The following LIMS1 variants were observed in gnomAD, a reference collection of about 807,000 sequenced individuals.
LIMS1 encodes the protein LIM and senescent cell antigen-like-containing domain protein 1.
LIMS1 carries 18 observed loss-of-function variants against 44.1 expected under a neutral mutation model. That is an observed-to-expected ratio of 0.41 (90% CI 0.28 to 0.61). The LOEUF is 0.61. Among genes scored for constraint, LIMS1 ranks in the 20% least tolerant of loss-of-function variants. The pLI, the probability that LIMS1 is intolerant of heterozygous loss-of-function variation, is 0.32. For synonymous variants in LIMS1, 93 were observed against 149.1 expected (o/e 0.62, Z 2.74); for missense variants, 201 against 422.0 (o/e 0.48, Z 4.59).
intron 8 of LIMS1, 105 bp downstream of exon 8, chr2:108,678,132 A>T (rs7585366): frequency 0.45 from 691,167 of 1,536,934 alleles, 163,554 homozygotes; most frequent in East Asian, 0.9. Flanking sequence ...TGTGATCGTT[A>T]TCAGTTACTT....
intron 1 of LIMS1, chr2:108,588,382 G>T: frequency 1.0e-6 from 1 of 985,380 alleles, no homozygotes; most frequent in Non-Finnish European, 1.2e-6. Context: ...GGCTTTCAAA[G>T]ATAATTCGCA....
intron 1 of LIMS1, among the ~76,000 whole-genome samples, chr2:108,599,415 C>T (rs1245905609): frequency 6.6e-6 from 1 of 152,056 alleles, no homozygotes; most frequent in Non-Finnish European, 1.5e-5. Flanking sequence ...TATATAAGTA[C>T]CACATTTTTT....
intron 1 of LIMS1, among the ~76,000 whole-genome samples, chr2:108,572,482 A>G (rs144480600): frequency 0.022 from 3,178 of 147,724 alleles, 48 homozygotes; most frequent in Non-Finnish European, 0.025. Flanking sequence ...TCCCAGATTC[A>G]TGTGATTCTC....
At chr2:108,539,957 TCTTA>T (rs1164981020) in intron 1 of LIMS1, among the ~76,000 whole-genome samples, 1 of 152,174 alleles carries the variant, frequency 6.6e-6, no homozygotes, top group African/African-American at 2.4e-5. Context: ...TTCACTCCTT[TCTTA>T]CTGATTTCCT....
chr2:108,578,931 A>G (rs934186569), intron 1 of LIMS1, among the ~76,000 whole-genome samples: 2 of 152,188 alleles, frequency 1.3e-5, no homozygotes, highest in Non-Finnish European at 2.9e-5. Context: ...GTTTACAAAG[A>G]AAAATGATGA....
chr2:108,657,542 G>T (rs1233849089), intron 1 of LIMS1, among the ~76,000 whole-genome samples: 3 of 152,404 alleles, frequency 2.0e-5, no homozygotes, highest in Middle Eastern at 6.8e-3. Flanking sequence ...GAGGGAAGAA[G>T]CACAAACCCC....
exon 3 of LIMS1, chr2:108,670,810 C>T: frequency 6.2e-7 from 1 of 1,611,424 alleles, no homozygotes. Context: ...GTGAACATGA[C>T]TTTCAGATGC....
At chr2:108,673,877 A>T (rs1573612566) in intron 5 of LIMS1, 1 of 152,248 alleles carries the variant, frequency 6.6e-6, no homozygotes, top group African/African-American at 2.4e-5. Context: ...AGTTGTAATA[A>T]TTAGGTATTA....
intron 5 of LIMS1, chr2:108,673,686 GC>G (rs976250071): frequency 6.6e-6 from 1 of 152,624 alleles, no homozygotes; most frequent in Non-Finnish European, 1.5e-5. Context: ...ACTGCACCTG[GC>G]CAGAACCACA....
intron 1 of LIMS1, among the ~76,000 whole-genome samples, chr2:108,577,772 CT>C (rs1685723086): frequency 6.6e-6 from 1 of 152,170 alleles, no homozygotes; most frequent in African/African-American, 2.4e-5. Flanking sequence ...TTTCTGGGAA[CT>C]TAATAAAGTA....
rs562265712 is a variant in LIMS1, at chr2:108,592,471, G to T, written c.32+57877G>T. On this transcript the variant is annotated intron_variant, in intron 1 of 9. Transcript: ENST00000544547. Reference sequence around the variant, plus strand: ...CTTATACCAATTTTTGTGTGTGGGAGGGGGGTGTGTGGAGAACAGGCAGAG... The same window carrying T: ...CTTATACCAATTTTTGTGTGTGGGATGGGGGTGTGTGGAGAACAGGCAGAG... Among the ~76,000 whole-genome samples the T allele has an allele frequency of 2.0e-5, 3 of 152,244 alleles. No individual in the cohort carries two copies. The South Asian group carries it at 6.2e-4, about 32-fold the overall frequency.
At chr2:108,645,638 T>A (rs1690007519) in intron 1 of LIMS1, among the ~76,000 whole-genome samples, 1 of 152,070 alleles carries the variant, frequency 6.6e-6, no homozygotes, top group East Asian at 1.9e-4. Flanking sequence ...AATTCACACA[T>A]AACAATATTA....
intron 1 of LIMS1, among the ~76,000 whole-genome samples, chr2:108,570,422 T>TC (rs1685444501): frequency 1.3e-5 from 2 of 152,074 alleles, no homozygotes; most frequent in African/African-American, 4.8e-5. Flanking sequence ...AGAGCAAGAC[T>TC]CCATCTCAAA....
In LIMS1 at chr2:108,648,376, A is replaced by G. The variant is rs115089805; in HGVS notation, c.33-11229A>G. Among the ~76,000 whole-genome samples the G allele has an allele frequency of 8.2e-3, 1,250 of 152,328 alleles. 21 individuals are homozygous for G. The highest frequency in any genetic ancestry group is 0.029 in the African/African-American group (1,199 of 41,570). ...GGATAGGAAGAATCAATTTTGGGCT[A>G]TACTGCCCAAAGTAATTTATAGATT... On this transcript the variant is annotated intron_variant, in intron 1 of 9. Coordinates refer to ENST00000544547, the Ensembl canonical transcript of LIMS1.
At chr2:108,658,896 G>C (rs1691119069) in intron 1 of LIMS1, among the ~76,000 whole-genome samples, 1 of 152,310 alleles carries the variant, frequency 6.6e-6, no homozygotes, top group South Asian at 2.1e-4. Flanking sequence ...TGGATTTCTA[G>C]TCCTGCGCCT....
chr2:108,676,760 T>A, intron 7 of LIMS1, 62 bp downstream of exon 7: 1 of 987,974 alleles, frequency 1.0e-6, no homozygotes, highest in African/African-American at 1.6e-5. Flanking sequence ...ATCAGTAGTT[T>A]AGCTACAAGG....
chr2:108,636,495 C>T (rs1399042887), intron 1 of LIMS1, among the ~76,000 whole-genome samples: 1 of 152,164 alleles, frequency 6.6e-6, no homozygotes, highest in Non-Finnish European at 1.5e-5. Flanking sequence ...GGAAGCAAAC[C>T]TCTTCCTCCT....
intron 2 of LIMS1, among the ~76,000 whole-genome samples, chr2:108,668,900 G>C (rs1250872655): frequency 6.6e-6 from 1 of 152,118 alleles, no homozygotes; most frequent in African/African-American, 2.4e-5. Context: ...TCGAGTAATA[G>C]CATATCAATT....
At chr2:108,573,905 A>G (rs775786362) in intron 1 of LIMS1, among the ~76,000 whole-genome samples, 2 of 152,184 alleles carry the variant, frequency 1.3e-5, no homozygotes, top group Non-Finnish European at 2.9e-5. Context: ...GAGGTCCTGC[A>G]GTTTTGAGGA....
Sources: allele counts gnomAD v4.1 joint callset (sites outside exome capture counted in the v4.1 genomes callset), GRCh38; gene constraint gnomAD v4.1.1; transcripts MANE v1.5; gene names NCBI Gene and HGNC (gene_info 2026-07-23, HGNC 2026-07-21).